RBFOX1: variants seen among roughly 807,000 people sequenced by gnomAD.
RBFOX1 encodes the protein RNA binding protein fox-1 homolog 1.
A neutral mutation model predicts 57.7 loss-of-function variants in RBFOX1; 8 were observed. The ratio of observed to expected loss-of-function variants is 0.14; its 90% CI spans 0.08 to 0.25. RBFOX1 has a LOEUF of 0.25. Among genes scored for constraint, RBFOX1 ranks in the 10% least tolerant of loss-of-function variants. RBFOX1 has a pLI of 1.00. For synonymous variants in RBFOX1, 326 were observed against 222.4 expected (o/e 1.47, Z -4.15); for missense variants, 611 against 548.5 (o/e 1.11, Z -1.14).
intron 3 of RBFOX1, among the ~76,000 whole-genome samples, chr16:5,664,287 C>A (rs149715251): frequency 2.0e-4 from 30 of 152,280 alleles, no homozygotes; most frequent in African/African-American, 7.2e-4. Flanking sequence ...CAGTGGCTCA[C>A]GCCTATAATC....
intron 4 of RBFOX1, among the ~76,000 whole-genome samples, chr16:5,884,755 G>A (rs1036204972): frequency 1.5e-4 from 23 of 152,098 alleles, no homozygotes; most frequent in Admixed American, 1.4e-3. Context: ...GGAATGAGAA[G>A]CAGTTATCCT....
chr16:7,625,259 C>T (rs75733374), intron 10 of RBFOX1, among the ~76,000 whole-genome samples: 1 of 152,062 alleles, frequency 6.6e-6, no homozygotes, highest in Non-Finnish European at 1.5e-5. Context: ...CAGCAGGAAT[C>T]GCCACATTGA....
intron 3 of RBFOX1, among the ~76,000 whole-genome samples, chr16:7,036,398 C>T (rs2044437471): frequency 6.6e-6 from 1 of 152,038 alleles, no homozygotes; most frequent in Non-Finnish European, 1.5e-5. Context: ...AGATAGGGTT[C>T]TTGGATCTCC....
At chr16:6,088,211 T>A (rs1260985158) in intron 1 of RBFOX1, among the ~76,000 whole-genome samples, 2 of 152,044 alleles carry the variant, frequency 1.3e-5, no homozygotes, top group African/African-American at 4.8e-5. Flanking sequence ...TTTTTTTTTC[T>A]CAGCTGTATT....
At chr16:7,276,999 C>A (rs1310621037) in intron 4 of RBFOX1, among the ~76,000 whole-genome samples, 1 of 152,142 alleles carries the variant, frequency 6.6e-6, no homozygotes. Flanking sequence ...GATGGTATAA[C>A]TTTGCGTCTT....
chr16:6,083,848 CG>C (rs2096047309), intron 1 of RBFOX1, among the ~76,000 whole-genome samples: 1 of 152,040 alleles, frequency 6.6e-6, no homozygotes, highest in African/African-American at 2.4e-5. Context: ...TCTCTAACCC[CG>C]GGGGACACTG....
At chr16:6,764,993 T>A (rs1397900058) in intron 3 of RBFOX1, among the ~76,000 whole-genome samples, 1 of 151,446 alleles carries the variant, frequency 6.6e-6, no homozygotes, top group East Asian at 1.9e-4. Context: ...TAATGGAGAA[T>A]CATAATGTGT....
At chr16:6,825,885 G>A (rs1355991555) in intron 3 of RBFOX1, among the ~76,000 whole-genome samples, 1 of 152,154 alleles carries the variant, frequency 6.6e-6, no homozygotes, top group African/African-American at 2.4e-5. Context: ...TGATGTAGGT[G>A]GCAGCAAGAC....
intron 4 of RBFOX1, among the ~76,000 whole-genome samples, chr16:7,169,482 G>A (rs963989538): frequency 6.6e-6 from 1 of 152,150 alleles, no homozygotes; most frequent in Non-Finnish European, 1.5e-5. Context: ...TCTTCAAGTT[G>A]TCACACTGAG....
At chr16:7,266,103 T>A (rs559338326) in intron 4 of RBFOX1, among the ~76,000 whole-genome samples, 1 of 151,210 alleles carries the variant, frequency 6.6e-6, no homozygotes, top group East Asian at 2.0e-4. Flanking sequence ...GCCTCCCAAG[T>A]AGCTGGGACT....
intron 4 of RBFOX1, among the ~76,000 whole-genome samples, chr16:7,361,769 G>A (rs17842418): frequency 0.11 from 17,417 of 152,120 alleles, 1,404 homozygotes; most frequent in African/African-American, 0.23. Flanking sequence ...CTGCATCAAG[G>A]GGCAAACCGT....
Position 5,339,470 on chromosome 16 carries a change from G to GTTTTTTTTTTTTTTT in RBFOX1, c.219+99381_219+99395dup, listed in dbSNP as rs560472298. Among the ~76,000 whole-genome samples the GTTTTTTTTTTTTTTT allele has an allele frequency of 5.5e-3, 226 of 40,882 alleles. 75 individuals are homozygous for GTTTTTTTTTTTTTTT. The highest frequency in any genetic ancestry group is 8.0e-3 in the South Asian group (4 of 498). 26.8% of individuals were successfully genotyped at this position (40,882 alleles called of 152,430 possible). On this transcript the variant is annotated intron_variant, in intron 1 of 2. Transcript: ENST00000585867. ...AAAAGCTAGAAGCTGCTTTTTCCGT[G>GTTTTTTTTTTTTTTT]TTTTTTTTTTTTTTTTTTTTTTTTT...
chr16:5,576,179 G>T (rs1237636906), intron 2 of RBFOX1, among the ~76,000 whole-genome samples: 1 of 152,046 alleles, frequency 6.6e-6, no homozygotes, highest in Non-Finnish European at 1.5e-5. Flanking sequence ...TAGAGATGGG[G>T]TTTTACCTTG....
intron 3 of RBFOX1, among the ~76,000 whole-genome samples, chr16:6,847,747 T>G (rs531093081): frequency 6.6e-6 from 1 of 152,138 alleles, no homozygotes; most frequent in African/African-American, 2.4e-5. Context: ...CACATTTTTA[T>G]TCTGTTTTAA....
At chr16:5,953,704 T>TTATACATA (rs1555455347) in intron 4 of RBFOX1, among the ~76,000 whole-genome samples, 1 of 138,688 alleles carries the variant, frequency 7.2e-6, no homozygotes, top group Non-Finnish European at 1.5e-5. Flanking sequence ...GTCTTCTGTC[T>TTATACATA]TATATATATA....
In RBFOX1 at chr16:6,019,873, G is replaced by T. The variant is rs2095032309; in HGVS notation, c.-246G>T. 3 of 1,534,596 alleles carry T rather than the reference G, an allele frequency of 2.0e-6. No homozygotes were observed. The highest frequency in any genetic ancestry group is 2.6e-6 in the Non-Finnish European group (3 of 1,146,322). On this transcript the variant is annotated 5_prime_UTR_variant, in exon 1 of 16. Transcript: ENST00000550418. The surrounding 1 kb of genome is among the most constrained non-coding windows in gnomAD (Gnocchi z 4.2). Reference sequence around the variant, plus strand: ...GTTGCGGACAGTGCGTGAGAAACCAGCACCCCCTTCCGCCGCCTCCAGCTT... The same window carrying T: ...GTTGCGGACAGTGCGTGAGAAACCATCACCCCCTTCCGCCGCCTCCAGCTT...
chr16:5,849,501 CCCAGTAT>C (rs1488229504), intron 3 of RBFOX1, among the ~76,000 whole-genome samples: 2 of 152,120 alleles, frequency 1.3e-5, no homozygotes, highest in Non-Finnish European at 2.9e-5. Flanking sequence ...TAGCTGGATA[CCCAGTAT>C]CCACTCTAGG....
At chr16:5,391,737 G>C (rs1313969357) in intron 1 of RBFOX1, among the ~76,000 whole-genome samples, 1 of 151,766 alleles carries the variant, frequency 6.6e-6, no homozygotes, top group Non-Finnish European at 1.5e-5. Flanking sequence ...GTATGTGTCT[G>C]TTTTCATATC....
At chr16:7,203,081 C>T (rs1237529895) in intron 4 of RBFOX1, among the ~76,000 whole-genome samples, 1 of 152,126 alleles carries the variant, frequency 6.6e-6, no homozygotes, top group Non-Finnish European at 1.5e-5. Flanking sequence ...CCACTGCACC[C>T]AGCCAAAGAA....
Sources: allele counts gnomAD v4.1 joint callset (sites outside exome capture counted in the v4.1 genomes callset), GRCh38; gene constraint gnomAD v4.1.1; non-coding constraint Gnocchi (gnomAD v3.1); transcripts MANE v1.5; gene names NCBI Gene and HGNC (gene_info 2026-07-23, HGNC 2026-07-21).